FSTL4: variants seen among roughly 807,000 people sequenced by gnomAD.
The protein encoded by FSTL4 is follistatin-related protein 4.
A neutral mutation model predicts 78.2 loss-of-function variants in FSTL4; 28 were observed. That is an observed-to-expected ratio of 0.36 (90% CI 0.27 to 0.49). The LOEUF (loss-of-function observed/expected upper bound fraction) is 0.49, where lower values mean the gene tolerates loss of function less well. Among genes scored for constraint, FSTL4 ranks in the 20% least tolerant of loss-of-function variants. The probability of loss-of-function intolerance (pLI) is 0.98; values close to 1 mark genes in which losing one functional copy is unlikely to be tolerated. For synonymous variants in FSTL4, 422 were observed against 440.5 expected (o/e 0.96, Z 0.53); for missense variants, 922 against 1,084.9 (o/e 0.85, Z 2.11).
At chr5:133,646,126 C>CATTA in the FSTL4 span, among the ~76,000 whole-genome samples, 1 of 152,086 alleles carries the variant, frequency 6.6e-6, no homozygotes, top group Non-Finnish European at 1.5e-5. Flanking sequence ...CAATTACAAA[C>CATTA]TAATAAGTGC....
chr5:133,629,929 T>C, the FSTL4 span, among the ~76,000 whole-genome samples: 1 of 152,250 alleles, frequency 6.6e-6, no homozygotes, highest in Non-Finnish European at 1.5e-5. Flanking sequence ...AGAAAAGGCC[T>C]TTGATAAAAT....
At chr5:133,319,244 T>G (rs956061455) in intron 4 of FSTL4, among the ~76,000 whole-genome samples, 6 of 152,174 alleles carry the variant, frequency 3.9e-5, no homozygotes, top group African/African-American at 1.4e-4. Context: ...GTCAATCATC[T>G]GGGGGAAAGG....
chr5:133,765,113 T>C, the FSTL4 span, among the ~76,000 whole-genome samples: 4 of 152,208 alleles, frequency 2.6e-5, no homozygotes, highest in Non-Finnish European at 4.4e-5. Flanking sequence ...AAGCTGGCAA[T>C]GAATTCTTCT....
chr5:133,559,856 C>T (rs1759875675), intron 3 of FSTL4, among the ~76,000 whole-genome samples: 1 of 152,168 alleles, frequency 6.6e-6, no homozygotes, highest in South Asian at 2.1e-4. Context: ...TGAGCATTCC[C>T]AGGGACTGGT....
chr5:133,481,048 G>T (rs375401867), intron 3 of FSTL4, among the ~76,000 whole-genome samples: 8 of 152,296 alleles, frequency 5.3e-5, no homozygotes, highest in African/African-American at 1.9e-4. Context: ...GGAAGGGACC[G>T]TGGCTGTTGG....
chr5:133,798,991 A>AT, the FSTL4 span, among the ~76,000 whole-genome samples: 1 of 116,638 alleles, frequency 8.6e-6, no homozygotes, highest in African/African-American at 3.3e-5. Flanking sequence ...GGAGGGAGGA[A>AT]GGGAGGGAGA....
At chr5:133,795,774 G>A in the FSTL4 span, among the ~76,000 whole-genome samples, 3 of 152,230 alleles carry the variant, frequency 2.0e-5, no homozygotes, top group Non-Finnish European at 4.4e-5. Flanking sequence ...AGTCTCTGTG[G>A]TTTTGGGCAA....
At chr5:133,544,103 T>C (rs1759526649) in intron 3 of FSTL4, among the ~76,000 whole-genome samples, 1 of 152,170 alleles carries the variant, frequency 6.6e-6, no homozygotes, top group African/African-American at 2.4e-5. Flanking sequence ...CTTTTAAAGT[T>C]ATGAGACATT....
chr5:133,215,929 G>T (rs1451632322), intron 13 of FSTL4, among the ~76,000 whole-genome samples: 1 of 151,862 alleles, frequency 6.6e-6, no homozygotes, highest in Admixed American at 6.6e-5. Context: ...TTGCATTTAG[G>T]GCCCATCCAG....
the FSTL4 span, among the ~76,000 whole-genome samples, chr5:133,719,416 T>C: frequency 6.6e-6 from 1 of 152,078 alleles, no homozygotes; most frequent in African/African-American, 2.4e-5. Flanking sequence ...ACACCTGCAA[T>C]CCCAGCACTT....
intron 7 of FSTL4, among the ~76,000 whole-genome samples, chr5:133,240,502 C>T (rs1751824421): frequency 1.3e-5 from 2 of 152,144 alleles, no homozygotes; most frequent in African/African-American, 4.8e-5. Flanking sequence ...AGGTTCAGGC[C>T]TGGAAGAGGG....
intron 4 of FSTL4, among the ~76,000 whole-genome samples, chr5:133,391,184 C>T (rs972748842): frequency 6.6e-6 from 1 of 152,208 alleles, no homozygotes; most frequent in Non-Finnish European, 1.5e-5. Flanking sequence ...AGACAAACTG[C>T]TTGAGCACAG....
intron 7 of FSTL4, among the ~76,000 whole-genome samples, chr5:133,240,936 T>C (rs926813594): frequency 6.6e-6 from 1 of 152,116 alleles, no homozygotes; most frequent in African/African-American, 2.4e-5. Context: ...AGGGGTCTCT[T>C]TATTTGCCTG....
chr5:133,202,350 G>A (rs1287640626), intron 14 of FSTL4: 1 of 196,092 alleles, frequency 5.1e-6, no homozygotes, highest in Non-Finnish European at 1.0e-5. Flanking sequence ...GTGAGAACCT[G>A]AGGGGTGGTG....
intron 6 of FSTL4, among the ~76,000 whole-genome samples, chr5:133,304,435 G>T (rs1753613160): frequency 6.6e-6 from 1 of 152,052 alleles, no homozygotes; most frequent in Non-Finnish European, 1.5e-5. Flanking sequence ...AAGGTTTCCA[G>T]CCACCCCGTT....
At chr5:133,427,215 A>G (rs1486090616) in intron 3 of FSTL4, among the ~76,000 whole-genome samples, 4 of 152,196 alleles carry the variant, frequency 2.6e-5, no homozygotes, top group Admixed American at 6.5e-5. Flanking sequence ...AACAACTACT[A>G]TCTTCCCCAA....
intron 3 of FSTL4, among the ~76,000 whole-genome samples, chr5:133,502,926 T>C (rs1022841380): frequency 5.9e-5 from 9 of 152,168 alleles, no homozygotes; most frequent in African/African-American, 2.2e-4. Context: ...ACTTTGTAAG[T>C]CCCTAAGCAG....
At chr5:133,318,125 GA>G (rs1321291437) in intron 4 of FSTL4, among the ~76,000 whole-genome samples, 1 of 152,070 alleles carries the variant, frequency 6.6e-6, no homozygotes, top group African/African-American at 2.4e-5. Context: ...TGTTTATTTA[GA>G]AAAAAATCAA....
the FSTL4 span, among the ~76,000 whole-genome samples, chr5:133,682,182 C>A: frequency 6.6e-6 from 1 of 152,180 alleles, no homozygotes; most frequent in Non-Finnish European, 1.5e-5. Context: ...GCAGCTCAGA[C>A]CCTATTCAGA....
Sources: gnomAD v4.1 joint callset for allele counts (sites outside exome capture counted in the v4.1 genomes callset) on GRCh38, gnomAD v4.1.1 for gene constraint, MANE v1.5 for transcripts, NCBI Gene and HGNC (gene_info 2026-07-23, HGNC 2026-07-21) for gene names.